VDR: variants seen among roughly 807,000 people sequenced by gnomAD.
VDR encodes the protein vitamin D3 receptor.
VDR carries 19 observed loss-of-function variants against 39.7 expected under a neutral mutation model. The ratio of observed to expected loss-of-function variants is 0.48; its 90% confidence interval spans 0.33 to 0.70. The LOEUF (loss-of-function observed/expected upper bound fraction) is 0.70. Ranked by LOEUF, VDR falls within the 30% of genes least tolerant of loss-of-function variation. The pLI is 0.02. For missense variants in VDR, 442 were observed against 570.5 expected (o/e 0.77, Z 2.29); for synonymous variants, 242 against 215.8 (o/e 1.12, Z -1.07).
intron 1 of VDR, among the ~76,000 whole-genome samples, chr12:47,887,179 G>A (rs565298344): frequency 5.1e-4 from 77 of 151,944 alleles, no homozygotes; most frequent in African/African-American, 1.7e-3. Context: ...AAAATTAGCC[G>A]GCTTTGGTGG....
chr12:47,903,525 G>A (rs1946607179), intron 1 of VDR, among the ~76,000 whole-genome samples: 1 of 152,208 alleles, frequency 6.6e-6, no homozygotes. Flanking sequence ...ACAGGGAAGG[G>A]ACGGCAGGTC....
intron 4 of VDR, among the ~76,000 whole-genome samples, chr12:47,859,913 C>CTT (rs1565615326): frequency 3.1e-3 from 138 of 44,180 alleles, no homozygotes; most frequent in African/African-American, 9.1e-3. Context: ...TTCCTTCCTT[C>CTT]CTTCTTTCTT....
chr12:47,876,847 G>A (rs538302915), intron 3 of VDR, among the ~76,000 whole-genome samples: 15 of 152,208 alleles, frequency 9.9e-5, no homozygotes, highest in Admixed American at 1.3e-4. Context: ...ACTCCAGTGA[G>A]GAACTGGCCT....
chr12:47,896,781 T>C (rs1427345226), intron 1 of VDR: 1 of 152,158 alleles, frequency 6.6e-6, no homozygotes, highest in Non-Finnish European at 1.5e-5. Flanking sequence ...CTTAACATCA[T>C]GGCACCCAAG....
rs11332250 is a variant in VDR at position 47,871,466 on chromosome 12, CTTTT to C, written c.147-6293_147-6290del. Among the ~76,000 whole-genome samples, 15 of 114,494 alleles carry C rather than the reference CTTTT, an allele frequency of 1.3e-4. No homozygotes were observed. The South Asian group carries it at 3.9e-3, about 29-fold the overall frequency. The allele number at this position is 114,494 out of a possible 152,430, so 75.1% of individuals were successfully genotyped here. On this transcript the variant is annotated intron_variant, in intron 3 of 9. Transcript: ENST00000549336. Reference sequence around the variant, plus strand: ...CCTTCCTTCTTTTCTCTCTTTCTTTCTTTTTTTTTTTTTTCTGGATGGAATTTCA... The same window carrying C: ...CCTTCCTTCTTTTCTCTCTTTCTTTCTTTTTTTTTTCTGGATGGAATTTCA...
At chr12:47,869,371 C>A (rs996557904) in intron 3 of VDR, among the ~76,000 whole-genome samples, 8 of 151,694 alleles carry the variant, frequency 5.3e-5, no homozygotes, top group African/African-American at 9.7e-5. Flanking sequence ...CCCATCTCTA[C>A]TAAAAATGCA....
chr12:47,900,834 C>T (rs1946544661), intron 1 of VDR, among the ~76,000 whole-genome samples: 4 of 152,212 alleles, frequency 2.6e-5, no homozygotes, highest in Admixed American at 2.6e-4. Flanking sequence ...ACAGACTCCG[C>T]TTTCCCGCCG....
At chr12:47,901,774 C>T (rs952412046) in intron 1 of VDR, among the ~76,000 whole-genome samples, 2 of 152,248 alleles carry the variant, frequency 1.3e-5, no homozygotes, top group South Asian at 2.1e-4. Flanking sequence ...ACTATGAACC[C>T]CAATTTCCCC....
chr12:47,857,759 G>C (rs11168267), intron 4 of VDR, 71 bp from the exon 5 acceptor site: 5 of 1,557,946 alleles, frequency 3.2e-6, no homozygotes, highest in Non-Finnish European at 4.4e-6. Context: ...CCTGCGGTTG[G>C]GGGTAAAGGT....
chr12:47,867,575 G>A (rs1359212079), intron 3 of VDR, among the ~76,000 whole-genome samples: 1 of 152,208 alleles, frequency 6.6e-6, no homozygotes, highest in Non-Finnish European at 1.5e-5. Context: ...TCCATGTCCT[G>A]AGAGTCCTGT....
chr12:47,904,739 C>T, intron 1 of VDR: 2 of 1,138,546 alleles, frequency 1.8e-6, no homozygotes, highest in Non-Finnish European at 2.5e-6. Flanking sequence ...CGCTGCTCCC[C>T]TCGCCAGCCT....
chr12:47,882,073 T>C (rs999650228), intron 2 of VDR, among the ~76,000 whole-genome samples: 3 of 152,196 alleles, frequency 2.0e-5, no homozygotes, highest in African/African-American at 4.8e-5. Flanking sequence ...CATTTGGAGA[T>C]GCTATGATGC....
At chr12:47,848,093 G>A (rs979730691) in intron 7 of VDR, among the ~76,000 whole-genome samples, 1 of 152,102 alleles carries the variant, frequency 6.6e-6, no homozygotes, top group African/African-American at 2.4e-5. Flanking sequence ...TAGTAGAGAC[G>A]AGGTTTCACA....
At chr12:47,856,050 T>A (rs1416630814) in intron 6 of VDR, among the ~76,000 whole-genome samples, 1 of 152,238 alleles carries the variant, frequency 6.6e-6, no homozygotes, top group Non-Finnish European at 1.5e-5. Context: ...AAGCAGACTG[T>A]GTGCTGTTCC....
rs1013183389 is a variant in VDR, at chr12:47,844,659, A to G, written c.*87T>C. 3.2e-5 allele frequency: 50 copies of G among 1,573,988 alleles called. No individual in the cohort carries two copies. The highest frequency in any genetic ancestry group is 4.3e-5 in the Non-Finnish European group (50 of 1,152,448). On this transcript the variant is annotated 3_prime_UTR_variant, in exon 10 of 10. Coordinates refer to ENST00000549336, the MANE Select transcript of VDR (RefSeq NM_000376.3). ...GGGCTGAACCCCAGACGGGGTGAGG[A>G]GGGCTGCTGAGTAGCCGCCAGCCCC... is the stretch of plus-strand genomic sequence containing the variant.
At chr12:47,887,336 A>C (rs889316361) in intron 1 of VDR, among the ~76,000 whole-genome samples, 2 of 146,866 alleles carry the variant, frequency 1.4e-5, no homozygotes, top group Non-Finnish European at 2.9e-5. Context: ...AAAAAAAAAA[A>C]AAAAACAAAG....
chr12:47,894,243 T>G (rs1946423347), intron 1 of VDR, among the ~76,000 whole-genome samples: 1 of 152,254 alleles, frequency 6.6e-6, no homozygotes, highest in Admixed American at 6.5e-5. Context: ...GTTAGCTGTC[T>G]GCAGCCCCCC....
Position 47,904,782 on chromosome 12 carries a change from C to T in VDR, c.-84+173G>A, listed in dbSNP as rs1946638869. ...ACTTCAGCTTTCTCAAACCTCAGTG[C>T]CCCTTAGTGTCCCAGCCTCATGGCA... On this transcript the variant is annotated intron_variant, in intron 1 of 9. Coordinates refer to ENST00000549336, the MANE Select transcript of VDR (RefSeq NM_000376.3). The T allele has an allele frequency of 9.8e-6, 7 of 711,332 alleles. No homozygotes were observed. In the East Asian group the frequency reaches 1.1e-4, roughly 12 times the overall value. 44.1% of individuals were successfully genotyped at this position (711,332 alleles called of 1,614,324 possible).
In VDR at chr12:47,879,078, G is replaced by A. The variant is rs920169498; in HGVS notation, c.36C>T (p.Asp12=). 5.6e-6 allele frequency: 9 copies of A among 1,614,092 alleles called. No individual in the cohort carries two copies. The highest frequency in any genetic ancestry group is 6.8e-6 in the Non-Finnish European group (8 of 1,179,970). Residue 12 remains aspartate (D), a synonymous_variant, in exon 3 of 10, where the codon GAC becomes GAT. Transcript: ENST00000549336. ...EAMAASTSLP[D]PGDFDRNVPR... is the part of the protein sequence containing the mutation. ...GCACGTTCCGGTCAAAGTCTCCAGG[G>A]TCAGGCAGGGAAGTGCTGGCCGCCA... is the stretch of plus-strand genomic sequence containing the variant.
Sources: allele counts gnomAD v4.1 joint callset (sites outside exome capture counted in the v4.1 genomes callset), GRCh38; gene constraint gnomAD v4.1.1; transcripts MANE v1.5; gene names NCBI Gene and HGNC (gene_info 2026-07-23, HGNC 2026-07-21).